The following DLGAP1 variants were observed in gnomAD, a reference collection of about 807,000 sequenced individuals.
DLGAP1 encodes DLG associated protein 1, also known as disks large-associated protein 1.
A neutral mutation model predicts 90.8 loss-of-function variants in DLGAP1; 11 were observed. The ratio of observed to expected loss-of-function variants is 0.12; its 90% CI spans 0.08 to 0.20. The LOEUF (loss-of-function observed/expected upper bound fraction) is 0.20. Among genes scored for constraint, DLGAP1 ranks in the 10% least tolerant of loss-of-function variants. DLGAP1 has a pLI of 1.00. For synonymous variants in DLGAP1, 558 were observed against 540.7 expected (o/e 1.03, Z -0.44); for missense variants, 1,050 against 1,333.8 (o/e 0.79, Z 3.31).
chr18:3,625,629 A>G, intron 7 of DLGAP1, among the ~76,000 whole-genome samples: 1 of 152,250 alleles, frequency 6.6e-6, no homozygotes, highest in East Asian at 1.9e-4. Context: ...ATGTTCTTAC[A>G]GAAAAATTAG....
intron 1 of DLGAP1, among the ~76,000 whole-genome samples, chr18:4,195,859 C>T (rs1485890100): frequency 2.6e-5 from 4 of 152,006 alleles, no homozygotes; most frequent in Non-Finnish European, 5.9e-5. Context: ...GGCCTGACTA[C>T]TTTTTTGAGG....
chr18:3,514,685 C>T (rs1227641012), intron 10 of DLGAP1, among the ~76,000 whole-genome samples: 1 of 152,152 alleles, frequency 6.6e-6, no homozygotes, highest in African/African-American at 2.4e-5. Context: ...TATGTTTACA[C>T]TATACTGTAG....
At chr18:3,581,363 T>C (rs1178739802) in intron 8 of DLGAP1, among the ~76,000 whole-genome samples, 1 of 152,110 alleles carries the variant, frequency 6.6e-6, no homozygotes, top group Non-Finnish European at 1.5e-5. Context: ...CATGTCTCTG[T>C]GGGTGAGGTG....
At chr18:4,097,795 A>G (rs1478535294) in intron 2 of DLGAP1, among the ~76,000 whole-genome samples, 1 of 152,268 alleles carries the variant, frequency 6.6e-6, no homozygotes, top group East Asian at 1.9e-4. Flanking sequence ...TTCCCACAGG[A>G]TGTCAGAAAC....
At chr18:4,344,024 G>A (rs374926809) in intron 1 of DLGAP1, among the ~76,000 whole-genome samples, 1 of 152,060 alleles carries the variant, frequency 6.6e-6, no homozygotes, top group African/African-American at 2.4e-5. Flanking sequence ...AAAGTGAAAA[G>A]GTGTCCTGAG....
intron 4 of DLGAP1, among the ~76,000 whole-genome samples, chr18:3,825,263 GT>G (rs1430942755): frequency 3.3e-5 from 5 of 152,170 alleles, no homozygotes; most frequent in African/African-American, 1.2e-4. Context: ...CACTTCTTCT[GT>G]GACTTTATCA....
rs1020813854 is a variant in DLGAP1 at position 3,500,196 on chromosome 18, C to T, written c.2725-802G>A. On this transcript the variant is annotated intron_variant, in intron 12 of 12. Transcript: ENST00000315677. ...GGATGAAAGAGGTCATTCCTCTTAT[C>T]AGCAGCAAACTATGAAATGGGCGGA... Among the ~76,000 whole-genome samples, 5 of 152,130 alleles carry T rather than the reference C, an allele frequency of 3.3e-5. No individual in the cohort carries two copies. In the East Asian group the frequency reaches 9.6e-4, roughly 29 times the overall value.
intron 1 of DLGAP1, among the ~76,000 whole-genome samples, chr18:4,409,249 T>C (rs1482313877): frequency 6.6e-6 from 1 of 152,152 alleles, no homozygotes; most frequent in African/African-American, 2.4e-5. Flanking sequence ...GAAAAGAGAA[T>C]GATACATGTG....
At chr18:3,509,244 G>A (rs1198362845) in intron 10 of DLGAP1, among the ~76,000 whole-genome samples, 1 of 152,144 alleles carries the variant, frequency 6.6e-6, no homozygotes, top group Non-Finnish European at 1.5e-5. Context: ...TATTTTCTAA[G>A]GAGCGAACAT....
intron 7 of DLGAP1, chr18:3,680,092 G>A (rs183193177): frequency 2.0e-5 from 3 of 152,188 alleles, no homozygotes; most frequent in African/African-American, 7.2e-5. Flanking sequence ...GGTCTTGGTC[G>A]AGGTTGTAGA....
chr18:4,093,452 C>T (rs1440647687), intron 2 of DLGAP1, among the ~76,000 whole-genome samples: 1 of 152,096 alleles, frequency 6.6e-6, no homozygotes, highest in Non-Finnish European at 1.5e-5. Flanking sequence ...CTACTAGTCT[C>T]TTAAAAATAT....
chr18:3,718,328 A>C (rs2061835039), intron 7 of DLGAP1, among the ~76,000 whole-genome samples: 1 of 151,872 alleles, frequency 6.6e-6, no homozygotes, highest in Non-Finnish European at 1.5e-5. Context: ...GAGTGGTCTT[A>C]TATCAATAAG....
At chr18:4,448,477 A>T (rs753056369) in intron 1 of DLGAP1, among the ~76,000 whole-genome samples, 7 of 152,168 alleles carry the variant, frequency 4.6e-5, no homozygotes, top group Non-Finnish European at 1.0e-4. Context: ...GATTCATATC[A>T]TCAAAGCAGA....
rs573067489 is a variant in DLGAP1 at position 4,117,165 on chromosome 18, G to C, written c.-159+34015C>G. Among the ~76,000 whole-genome samples the C allele has an allele frequency of 6.6e-5, 10 of 152,292 alleles. 1 individual carries two copies. In the South Asian group the frequency reaches 2.1e-3, roughly 32 times the overall value. ...CGTGGAGGGAGGTGGCCATCTACAA[G>C]TTAAGGAGAGAGGGCTCAAAAGAAA... On this transcript the variant is annotated intron_variant, in intron 2 of 12. Transcript: ENST00000315677.
At chr18:3,969,633 T>A (rs1301969962) in intron 3 of DLGAP1, among the ~76,000 whole-genome samples, 1 of 152,170 alleles carries the variant, frequency 6.6e-6, no homozygotes, top group Non-Finnish European at 1.5e-5. Context: ...TTCGGTCTAT[T>A]CTTAAAAAAA....
chr18:4,155,652 C>A (rs1016958447), intron 1 of DLGAP1, among the ~76,000 whole-genome samples: 2 of 152,104 alleles, frequency 1.3e-5, no homozygotes, highest in Admixed American at 6.6e-5. Context: ...TCCAGCAATT[C>A]AGTACTTAGA....
chr18:3,977,099 G>C (rs1310157551), intron 3 of DLGAP1, among the ~76,000 whole-genome samples: 1 of 152,046 alleles, frequency 6.6e-6, no homozygotes. Flanking sequence ...TTTTAAGACA[G>C]AGTCTCACTC....
intron 1 of DLGAP1, among the ~76,000 whole-genome samples, chr18:4,423,036 T>G (rs1287297948): frequency 4.6e-5 from 7 of 152,172 alleles, no homozygotes; most frequent in African/African-American, 1.7e-4. Flanking sequence ...GATATTTTTA[T>G]TTATATATAC....
intron 9 of DLGAP1, among the ~76,000 whole-genome samples, chr18:3,543,165 AATTTTTTTT>A (rs2052791216): frequency 7.7e-6 from 1 of 130,214 alleles, no homozygotes; most frequent in Non-Finnish European, 1.6e-5. Context: ...CCATGACTCC[AATTTTTTTT>A]TTTTTTTTTT....
Sources: gnomAD v4.1 joint callset for allele counts (sites outside exome capture counted in the v4.1 genomes callset) on GRCh38, gnomAD v4.1.1 for gene constraint, MANE v1.5 for transcripts, NCBI Gene and HGNC (gene_info 2026-07-23, HGNC 2026-07-21) for gene names.